Variants in NEK10 observed in about 807,000 individuals in gnomAD.
NEK10 encodes NIMA related kinase 10, also known as serine/threonine-protein kinase Nek10.
NEK10 carries 122 observed loss-of-function variants against 159.8 expected under a neutral mutation model. The observed-to-expected ratio is 0.76, with a 90% CI of 0.66 to 0.89. The LOEUF is 0.89. NEK10 is among the 40% of genes least tolerant of loss of function. The pLI is 0.00. For missense variants in NEK10, 1,342 were observed against 1,323.1 expected, an observed-to-expected ratio of 1.01 and a Z score of -0.22; for synonymous variants, 466 against 457.1, an observed-to-expected ratio of 1.02 and a Z score of -0.25.
Position 27,202,560 on chromosome 3 carries a change from G to A in NEK10, c.2091-3C>T, listed in dbSNP as rs377418338. ...GCTCACTCTTCAGTACCTCGGGGCT[G>A]AAGTAAAATAAGGACATTAATACAT... is the stretch of plus-strand genomic sequence containing the variant. On this transcript the variant is annotated splice_polypyrimidine_tract_variant and splice_region_variant and intron_variant, in intron 23 of 35. Transcript: ENST00000691995. The A allele has an allele frequency of 1.3e-6, 2 of 1,596,636 alleles. No individual in the cohort carries two copies. The highest frequency in any genetic ancestry group is 1.1e-5 in the South Asian group (1 of 87,996).
In NEK10 at chr3:27,111,312, G is replaced by C; in HGVS notation, c.3308C>G (p.Ser1103Cys). The change falls in exon 36 of 36, where the codon TCC becomes TGC. Residue 1103 changes from serine to cysteine, a missense_variant. Ser to Cys is a moderately radical substitution (Grantham distance 112, BLOSUM62 -1). Transcript: ENST00000691995. Reference sequence around the variant, plus strand: ...GTGATTCTTGGTCCCCCATGGATAGGAATGATACCTATAAGATTCAGAAGT... The same window carrying C: ...GTGATTCTTGGTCCCCCATGGATAGCAATGATACCTATAAGATTCAGAAGT... ...YYNFTSNRYH[S>C]YPWGTKNHPT... 2 of 1,602,186 alleles carry C rather than the reference G, an allele frequency of 1.2e-6. No individual in the cohort carries two copies. Among genetic ancestry groups the C allele is most frequent in the South Asian group, 1.1e-5 (1 of 89,336 alleles).
At chr3:27,182,271 T>C (rs922098720) in intron 26 of NEK10, among the ~76,000 whole-genome samples, 1 of 152,170 alleles carries the variant, frequency 6.6e-6, no homozygotes, top group Admixed American at 6.5e-5. Flanking sequence ...GTAATGCATA[T>C]GTTAATTAAC....
At position 27,131,879 on chromosome 3, in the gene NEK10, C is replaced by A. The variant is rs1357757399; in HGVS notation, c.3081+1G>T. ...GAATTCCTATATATAGAATACCATA[C>A]CTTTTTAATTTCAGATTTCAAATTA... On this transcript the variant is annotated splice_donor_variant, in intron 32 of 35. Coordinates refer to ENST00000691995, the MANE Select transcript of NEK10 (RefSeq NM_001394966.1). LOFTEE classifies it high-confidence loss of function. 1.3e-6 allele frequency: 2 copies of A among 1,526,748 alleles called. No individual in the cohort carries two copies. Among genetic ancestry groups the A allele is most frequent in the East Asian group, 4.5e-5 (2 of 44,322 alleles). The allele number at this position is 1,526,748 out of a possible 1,614,324, so 94.6% of individuals were successfully genotyped here.
At chr3:27,206,928 C>T (rs1013999453) in intron 23 of NEK10, among the ~76,000 whole-genome samples, 2 of 152,192 alleles carry the variant, frequency 1.3e-5, no homozygotes, top group South Asian at 2.1e-4. Context: ...TCTTTGCCCC[C>T]ACATGACTTC....
intron 22 of NEK10, among the ~76,000 whole-genome samples, chr3:27,266,236 GCTGT>G (rs1475942081): frequency 3.3e-5 from 5 of 152,106 alleles, no homozygotes; most frequent in African/African-American, 7.2e-5. Context: ...TGGCTTTGAT[GCTGT>G]CTAAGAAATA....
chr3:27,306,983 T>C (rs1423121740), intron 11 of NEK10, among the ~76,000 whole-genome samples: 1 of 152,184 alleles, frequency 6.6e-6, no homozygotes, highest in East Asian at 1.9e-4. Flanking sequence ...TTTGCATGAC[T>C]CCACATTCTA....
intron 23 of NEK10, 40 bp downstream of exon 23, chr3:27,256,253 AGTT>A: frequency 1.1e-6 from 1 of 871,834 alleles, no homozygotes; most frequent in Non-Finnish European, 1.7e-6. Flanking sequence ...AGCCTAAATC[AGTT>A]AAGTATGATG....
chr3:27,304,657 G>T lies in NEK10; in HGVS notation c.1028+90C>A, dbSNP rs1041304228. The T allele has an allele frequency of 4.5e-5, 35 of 785,234 alleles. No individual in the cohort carries two copies. The African/African-American group carries it at 5.4e-4, about 12-fold the overall frequency. The allele number at this position is 785,234 out of a possible 1,614,324, so 48.6% of individuals were successfully genotyped here. On this transcript the variant is annotated intron_variant, in intron 12 of 35. Transcript: ENST00000691995. ...AAGAAATCCCAAAGCAGGAGGGAATGAGGTGACACACACCAATCTGCCATC... is the reference window on the plus strand; with the variant it reads ...AAGAAATCCCAAAGCAGGAGGGAATTAGGTGACACACACCAATCTGCCATC...
intron 13 of NEK10, among the ~76,000 whole-genome samples, chr3:27,297,660 C>T (rs988812328): frequency 6.6e-5 from 10 of 152,170 alleles, no homozygotes; most frequent in Non-Finnish European, 1.0e-4. Context: ...TAAGAGTATG[C>T]ACTGTGATTA....
At chr3:27,187,796 T>C (rs1948759020) in intron 26 of NEK10, among the ~76,000 whole-genome samples, 1 of 151,896 alleles carries the variant, frequency 6.6e-6, no homozygotes, top group South Asian at 2.1e-4. Context: ...GTTCATAGTC[T>C]GTCAATTTGC....
At chr3:27,274,275 C>T (rs1027841960) in intron 22 of NEK10, among the ~76,000 whole-genome samples, 3 of 152,130 alleles carry the variant, frequency 2.0e-5, no homozygotes, top group African/African-American at 7.2e-5. Flanking sequence ...TATGATGACA[C>T]AGAGCTTCAT....
At chr3:27,238,445 C>G (rs1954186736) in intron 23 of NEK10, among the ~76,000 whole-genome samples, 2 of 152,036 alleles carry the variant, frequency 1.3e-5, no homozygotes, top group Admixed American at 1.3e-4. Flanking sequence ...TACTGATTTT[C>G]TAATAAGAAA....
At chr3:27,336,156 GA>G (rs1225386195) in intron 5 of NEK10, among the ~76,000 whole-genome samples, 1 of 151,960 alleles carries the variant, frequency 6.6e-6, no homozygotes, top group East Asian at 1.9e-4. Flanking sequence ...ATCAGAAATG[GA>G]AAAGGAGATA....
At chr3:27,162,521 C>A in intron 30 of NEK10, 180 bp downstream of exon 30, 1 of 1,614,168 alleles carries the variant, frequency 6.2e-7, no homozygotes, top group Non-Finnish European at 8.5e-7. Flanking sequence ...CACCCTGTCA[C>A]TAACTCAGCC....
rs150346003 is a variant in NEK10, at chr3:27,248,228, C to T, written c.2090+8068G>A. ...CAATTGTAATGTCTCCTTTTTCATC[C>T]CTGATTGTATTTATTTGGGTCTTCT... On this transcript the variant is annotated intron_variant, in intron 23 of 35. Coordinates refer to ENST00000691995, the MANE Select transcript of NEK10 (RefSeq NM_001394966.1). Among the ~76,000 whole-genome samples the T allele has an allele frequency of 3.8e-3, 578 of 151,940 alleles. 7 individuals carry two copies. Among genetic ancestry groups the T allele is most frequent in the African/African-American group, 0.013 (528 of 41,462 alleles).
intron 6 of NEK10, among the ~76,000 whole-genome samples, chr3:27,318,095 G>C (rs927233733): frequency 2.0e-5 from 3 of 152,094 alleles, no homozygotes; most frequent in Non-Finnish European, 4.4e-5. Context: ...GAGCCACCGC[G>C]CCCAGCCAAA....
At chr3:27,293,522 G>A (rs929560568) in intron 16 of NEK10, 66 bp downstream of exon 16, 24 of 795,410 alleles carry the variant, frequency 3.0e-5, no homozygotes, top group Non-Finnish European at 4.3e-5. Context: ...AGCCAAGTAT[G>A]TGAAAACAGT....
chr3:27,242,606 CTG>C (rs1435749469), intron 23 of NEK10, among the ~76,000 whole-genome samples: 1 of 152,224 alleles, frequency 6.6e-6, no homozygotes, highest in Non-Finnish European at 1.5e-5. Flanking sequence ...CAGTTGCCCA[CTG>C]TGCACAGATG....
rs549655499 is a variant in NEK10, at chr3:27,167,851, C to A, written c.2831+3968G>T. ...TTCCAGTTCTAATATTATTCTCCAGCCTTGAGACTTCAAAACTTTTCTGAG... is the reference window on the plus strand; with the variant it reads ...TTCCAGTTCTAATATTATTCTCCAGACTTGAGACTTCAAAACTTTTCTGAG... On this transcript the variant is annotated intron_variant, in intron 29 of 35. Transcript: ENST00000691995. Among the ~76,000 whole-genome samples the A allele has an allele frequency of 4.6e-5, 7 of 152,310 alleles. No individual in the cohort carries two copies. In the South Asian group the frequency reaches 1.5e-3, roughly 32 times the overall value.
Sources: allele counts gnomAD v4.1 joint callset (sites outside exome capture counted in the v4.1 genomes callset), GRCh38; gene constraint gnomAD v4.1.1; transcripts MANE v1.5; gene names NCBI Gene and HGNC (gene_info 2026-07-23, HGNC 2026-07-21).